Variants in CA1 observed in about 807,000 individuals in gnomAD.
CA1 encodes carbonate dehydratase I.
CA1 carries 27 observed loss-of-function variants against 28.8 expected under a neutral mutation model. The ratio of observed to expected loss-of-function variants is 0.94; its 90% CI spans 0.69 to 1.29. The LOEUF (loss-of-function observed/expected upper bound fraction) is 1.29, where lower values mean the gene tolerates loss of function less well. Ranked by LOEUF, CA1 falls within the 50% of genes most tolerant of loss-of-function variation. The pLI, the probability that CA1 is intolerant of heterozygous loss-of-function variation, is 0.00. For synonymous variants in CA1, 121 were observed against 108.8 expected (o/e 1.11, Z -0.70); for missense variants, 335 against 310.5 (o/e 1.08, Z -0.59).
chr8:85,353,226 T>C (rs1466454603), intron 1 of CA1, among the ~76,000 whole-genome samples: 1 of 152,250 alleles, frequency 6.6e-6, no homozygotes, highest in Non-Finnish European at 1.5e-5. Flanking sequence ...TCAGCTCACT[T>C]GGGTAGCATT....
intron 1 of CA1, chr8:85,343,272 C>T (rs1479121617): frequency 2.0e-5 from 3 of 152,032 alleles, no homozygotes; most frequent in African/African-American, 4.8e-5. Flanking sequence ...AATATTGAGG[C>T]TTACAGAGGT....
chr8:85,354,876 C>T (rs1377563309), intron 1 of CA1, among the ~76,000 whole-genome samples: 1 of 152,160 alleles, frequency 6.6e-6, no homozygotes, highest in Non-Finnish European at 1.5e-5. Flanking sequence ...CTTGAATGTC[C>T]AACCTATACC....
intron 1 of CA1, among the ~76,000 whole-genome samples, chr8:85,373,081 C>T (rs911142227): frequency 2.6e-5 from 4 of 152,104 alleles, no homozygotes; most frequent in South Asian, 2.1e-4. Flanking sequence ...CTAAGATCTA[C>T]GGTAAGAACA....
intron 1 of CA1, among the ~76,000 whole-genome samples, chr8:85,355,219 C>T (rs2130310293): frequency 6.6e-6 from 1 of 152,240 alleles, no homozygotes; most frequent in South Asian, 2.1e-4. Flanking sequence ...TCACTGACTG[C>T]TGTGCGAGAA....
chr8:85,345,945 A>C (rs191381466), intron 1 of CA1, among the ~76,000 whole-genome samples: 45 of 152,314 alleles, frequency 3.0e-4, no homozygotes, highest in Admixed American at 2.5e-3. Flanking sequence ...AATTTCAAAA[A>C]TCCATCACTT....
Position 85,338,380 on chromosome 8 carries a change from G to C in CA1, c.107C>G (p.Thr36Ser). ...AGAGGTGTCATGTTTGGTTTCACTG[G>C]TTTTAATATCAACAGGGGACTGGTT... ...GNNQSPVDIK[T>S]SETKHDTSLK... Residue 36 changes from threonine (T) to serine (S), a missense_variant, in exon 3 of 8, where the codon ACC becomes AGC. By Grantham distance (58) the Thr-to-Ser change is moderately conservative (BLOSUM62 1). Coordinates refer to ENST00000523022, the MANE Select transcript of CA1 (RefSeq NM_001128831.4). 1 of 1,613,898 alleles carries C rather than the reference G, an allele frequency of 6.2e-7. No homozygotes were observed. Among genetic ancestry groups the C allele is most frequent in the Non-Finnish European group, 8.5e-7 (1 of 1,179,854 alleles).
chr8:85,329,719 A>T lies in CA1; in HGVS notation c.639T>A (p.Cys213Ter). 1 of 1,610,700 alleles carries T rather than the reference A, an allele frequency of 6.2e-7. No individual in the cohort carries two copies. The highest frequency in any genetic ancestry group is 1.3e-5 in the African/African-American group (1 of 74,948). ...CTGAGCTGACACTGATGCTCTCCTT[A>T]CAGATGATCCAAGTTACACTCTCAT... ...PLYESVTWII[C>*]KESISVSSEQ... is the part of the protein sequence containing the mutation. Residue 213 changes from cysteine (C) to a stop codon, truncating the protein, a stop_gained, in exon 7 of 8, where the codon TGT becomes TGA. Coordinates refer to ENST00000523022, the MANE Select transcript of CA1 (RefSeq NM_001128831.4). LOFTEE classifies it low-confidence loss of function (END_TRUNC).
chr8:85,358,603 G>A (rs1204419460), intron 1 of CA1, among the ~76,000 whole-genome samples: 1 of 152,170 alleles, frequency 6.6e-6, no homozygotes, highest in African/African-American at 2.4e-5. Flanking sequence ...TTTGGGTCTT[G>A]TTGATGCTAA....
intron 6 of CA1, among the ~76,000 whole-genome samples, chr8:85,331,003 C>T (rs1487741603): frequency 1.3e-5 from 2 of 152,148 alleles, no homozygotes; most frequent in African/African-American, 2.4e-5. Context: ...TCTGTTCCTT[C>T]ATCTGGGCAC....
chr8:85,343,667 G>A (rs186698023), intron 1 of CA1, among the ~76,000 whole-genome samples: 4 of 152,178 alleles, frequency 2.6e-5, no homozygotes, highest in Admixed American at 6.5e-5. Flanking sequence ...TTCATTACAC[G>A]ACTATGTGAT....
At chr8:85,360,393 A>T (rs1809746753) in intron 1 of CA1, among the ~76,000 whole-genome samples, 1 of 152,220 alleles carries the variant, frequency 6.6e-6, no homozygotes, top group Non-Finnish European at 1.5e-5. Context: ...GCCTTTTTAG[A>T]AAACAATACA....
chr8:85,374,946 C>T (rs1333779399), intron 1 of CA1, among the ~76,000 whole-genome samples: 1 of 152,072 alleles, frequency 6.6e-6, no homozygotes, highest in Non-Finnish European at 1.5e-5. Flanking sequence ...GCCCACAGCC[C>T]CTCCAATACC....
intron 4 of CA1, 22 bp downstream of exon 4, chr8:85,336,923 C>G (rs1338442781): frequency 2.9e-6 from 4 of 1,380,274 alleles, no homozygotes; most frequent in Admixed American, 1.7e-5. Flanking sequence ...GTAATTATCT[C>G]TCACTTACTA....
chr8:85,357,045 T>C (rs1809630346), intron 1 of CA1, among the ~76,000 whole-genome samples: 1 of 152,010 alleles, frequency 6.6e-6, no homozygotes, highest in African/African-American at 2.4e-5. Context: ...TCTGGGGGAG[T>C]ACCTTGTAAT....
chr8:85,353,126 C>T (rs769787395), intron 1 of CA1, among the ~76,000 whole-genome samples: 4 of 152,142 alleles, frequency 2.6e-5, no homozygotes, highest in Non-Finnish European at 5.9e-5. Flanking sequence ...AAATATCTGG[C>T]TTAAGCGGGA....
chr8:85,367,303 A>C (rs1172397418), intron 1 of CA1, among the ~76,000 whole-genome samples: 1 of 152,180 alleles, frequency 6.6e-6, no homozygotes, highest in Non-Finnish European at 1.5e-5. Context: ...AAAATTGGAA[A>C]TCTCCTAACC....
chr8:85,363,793 G>A (rs1315446027), intron 1 of CA1, among the ~76,000 whole-genome samples: 1 of 152,150 alleles, frequency 6.6e-6, no homozygotes, highest in African/African-American at 2.4e-5. Context: ...CTGAAGCCCT[G>A]TTCCAGTCAG....
chr8:85,338,135 C>G, intron 3 of CA1, 117 bp downstream of exon 3: 1 of 961,862 alleles, frequency 1.0e-6, no homozygotes, highest in East Asian at 2.4e-5. Flanking sequence ...TAGATTACAG[C>G]AATGCTGCAC....
chr8:85,363,512 C>T, intron 1 of CA1, among the ~76,000 whole-genome samples: 1 of 152,196 alleles, frequency 6.6e-6, no homozygotes. Flanking sequence ...TTCCTGCCTC[C>T]AGTGTGTTGG....
Sources: allele counts gnomAD v4.1 joint callset (sites outside exome capture counted in the v4.1 genomes callset), GRCh38; gene constraint gnomAD v4.1.1; transcripts MANE v1.5; gene names NCBI Gene and HGNC (gene_info 2026-07-23, HGNC 2026-07-21).